RUNX1: variants seen among roughly 807,000 people sequenced by gnomAD.
RUNX1 encodes the protein RUNX family transcription factor 1.
In RUNX1, 19 loss-of-function variants were observed where a neutral mutation model predicts 42.8. The ratio of observed to expected loss-of-function variants is 0.44; its 90% CI spans 0.31 to 0.65. The LOEUF (loss-of-function observed/expected upper bound fraction) is 0.65. Ranked by LOEUF, RUNX1 falls within the 30% of genes least tolerant of loss-of-function variation. RUNX1 has a pLI of 0.07. For missense variants in RUNX1, 528 were observed against 672.0 expected (o/e 0.79, Z 2.37); for synonymous variants, 271 against 289.4 (o/e 0.94, Z 0.64).
intron 2 of RUNX1, among the ~76,000 whole-genome samples, chr21:35,033,122 C>CAT (rs2059284639): frequency 3.3e-5 from 5 of 151,480 alleles, no homozygotes; most frequent in Non-Finnish European, 5.9e-5. Flanking sequence ...CATCTGCTGG[C>CAT]TCATTCATTC....
intron 7 of RUNX1, among the ~76,000 whole-genome samples, chr21:34,823,887 A>T (rs908556891): frequency 1.3e-5 from 2 of 152,200 alleles, no homozygotes; most frequent in Non-Finnish European, 2.9e-5. Context: ...CATCTTTAAG[A>T]ACAAGAATCC....
At chr21:34,969,349 C>T (rs921440335) in intron 2 of RUNX1, among the ~76,000 whole-genome samples, 16 of 151,926 alleles carry the variant, frequency 1.1e-4, no homozygotes, top group Non-Finnish European at 2.2e-4. Context: ...CCCATCTCTT[C>T]TAATCCATTC....
rs147226772 is a variant in RUNX1, at chr21:34,837,036, T to C, written c.614-2435A>G. ...TATTTTAATTAGTCCCCCTCATTAC[T>C]ATATACTTAGAAATGAGAGCTTTAA... On this transcript the variant is annotated intron_variant, in intron 6 of 8. Coordinates refer to ENST00000675419, the MANE Select transcript of RUNX1 (RefSeq NM_001754.5). Among the ~76,000 whole-genome samples, 738 of 152,362 alleles carry C rather than the reference T, an allele frequency of 4.8e-3. 2 individuals carry two copies. The highest frequency in any genetic ancestry group is 0.016 in the African/African-American group (665 of 41,582).
chr21:34,987,806 A>T (rs1238276482), intron 2 of RUNX1, among the ~76,000 whole-genome samples: 2 of 152,168 alleles, frequency 1.3e-5, no homozygotes, highest in Non-Finnish European at 1.5e-5. Flanking sequence ...AAAATGAAAG[A>T]CAAGATTTCT....
At chr21:34,860,089 G>C (rs1196381674) in intron 5 of RUNX1, among the ~76,000 whole-genome samples, 2 of 152,194 alleles carry the variant, frequency 1.3e-5, no homozygotes, top group Non-Finnish European at 2.9e-5. Context: ...AAGTCTGGCT[G>C]ATTTTAAATA....
At chr21:35,002,721 C>A (rs564548610) in intron 2 of RUNX1, among the ~76,000 whole-genome samples, 1 of 152,246 alleles carries the variant, frequency 6.6e-6, no homozygotes, top group African/African-American at 2.4e-5. Context: ...AGCCACTGTG[C>A]CCGGCCTACT....
rs1025817667 is a variant in RUNX1, at chr21:34,927,629, C to T, written c.59-34666G>A. Among the ~76,000 whole-genome samples the T allele has an allele frequency of 2.6e-5, 4 of 152,154 alleles. No individual in the cohort carries two copies. In the East Asian group the frequency reaches 7.7e-4, roughly 29 times the overall value. On this transcript the variant is annotated intron_variant, in intron 2 of 8. Coordinates refer to ENST00000675419, the MANE Select transcript of RUNX1 (RefSeq NM_001754.5). Reference sequence around the variant, plus strand: ...TAAGGTTCCCTTGCCTCGAATTTGCCATTTACTTTGGACATGGATGGAAGC... The same window carrying T: ...TAAGGTTCCCTTGCCTCGAATTTGCTATTTACTTTGGACATGGATGGAAGC...
intron 2 of RUNX1, among the ~76,000 whole-genome samples, chr21:34,964,205 T>A (rs767395325): frequency 1.3e-5 from 2 of 152,148 alleles, no homozygotes; most frequent in Non-Finnish European, 2.9e-5. Flanking sequence ...GAAGTTCAGA[T>A]GGGACGGGCA....
At chr21:35,004,767 AG>A (rs748904716) in intron 2 of RUNX1, among the ~76,000 whole-genome samples, 10 of 152,162 alleles carry the variant, frequency 6.6e-5, no homozygotes, top group Non-Finnish European at 1.2e-4. Context: ...CTCACAAGAG[AG>A]GCAGCTTTAA....
At chr21:34,930,713 TCTCTCTCACACACACACACA>T (rs939598352) in intron 2 of RUNX1, among the ~76,000 whole-genome samples, 5 of 141,748 alleles carry the variant, frequency 3.5e-5, no homozygotes, top group Admixed American at 6.8e-5. Context: ...ACTCTCTCTC[TCTCTCTCACACACACACACA>T]CACACACACA....
chr21:35,002,382 TTTTATTTA>T (rs149613285), intron 2 of RUNX1, among the ~76,000 whole-genome samples: 35,997 of 140,792 alleles, frequency 0.26, 4,843 homozygotes, highest in Middle Eastern at 0.35. Context: ...ACACAGCACA[TTTTATTTA>T]TTTATTTATT....
chr21:34,946,329 ATGG>A (rs566068025), intron 2 of RUNX1, among the ~76,000 whole-genome samples: 341 of 152,296 alleles, frequency 2.2e-3, no homozygotes, highest in African/African-American at 7.9e-3. Flanking sequence ...GCATGTAGCC[ATGG>A]TCCCACAAAT....
chr21:34,968,000 C>T (rs1437688296), intron 2 of RUNX1, among the ~76,000 whole-genome samples: 1 of 152,138 alleles, frequency 6.6e-6, no homozygotes, highest in Non-Finnish European at 1.5e-5. Context: ...CTGAGAAAAA[C>T]ACTGATTGAC....
intron 2 of RUNX1, among the ~76,000 whole-genome samples, chr21:35,009,637 C>T (rs2059111189): frequency 6.6e-6 from 1 of 152,210 alleles, no homozygotes; most frequent in African/African-American, 2.4e-5. Context: ...ACAATGGGCA[C>T]TTCTCCCATT....
At chr21:35,039,519 T>C (rs2059342295) in intron 2 of RUNX1, among the ~76,000 whole-genome samples, 1 of 152,226 alleles carries the variant, frequency 6.6e-6, no homozygotes, top group Non-Finnish European at 1.5e-5. Context: ...CATAACTCTA[T>C]ATAACTCTAT....
In RUNX1 at chr21:34,995,085, G is replaced by A. The variant is rs2146849241; in HGVS notation, c.58+53757C>T. 1.3e-5 allele frequency among the ~76,000 whole-genome samples: 2 copies of A among 152,362 alleles called. 1 individual carries two copies. Among genetic ancestry groups the A allele is most frequent in the South Asian group, 4.1e-4 (2 of 4,830 alleles). On this transcript the variant is annotated intron_variant, in intron 2 of 8. Coordinates refer to ENST00000675419, the MANE Select transcript of RUNX1 (RefSeq NM_001754.5). ...GAAACTTGACTGGTAGCCGAAGTCA[G>A]CAATGGATGCCAAGCAGGCTGTGCC...
chr21:34,868,494 G>A (rs1015645214), intron 5 of RUNX1, among the ~76,000 whole-genome samples: 3 of 152,066 alleles, frequency 2.0e-5, no homozygotes, highest in African/African-American at 4.8e-5. Context: ...CCCAACCACC[G>A]CCACTGGAGC....
rs571387982 is a variant in RUNX1 at position 34,949,075 on chromosome 21, C to T, written c.59-56112G>A. 1.1e-4 allele frequency among the ~76,000 whole-genome samples: 17 copies of T among 152,258 alleles called. No homozygotes were observed. In the South Asian group the frequency reaches 3.1e-3, roughly 28 times the overall value. On this transcript the variant is annotated intron_variant, in intron 2 of 8. Coordinates refer to ENST00000675419, the MANE Select transcript of RUNX1 (RefSeq NM_001754.5). Reference sequence around the variant, plus strand: ...GGCCGGGATGTGCAGAATTTCTTGCCTGGAGATGTTCATTTATTTCCTTCC... The same window carrying T: ...GGCCGGGATGTGCAGAATTTCTTGCTTGGAGATGTTCATTTATTTCCTTCC...
chr21:34,963,806 T>G (rs897499443), intron 2 of RUNX1, among the ~76,000 whole-genome samples: 6 of 152,160 alleles, frequency 3.9e-5, no homozygotes, highest in African/African-American at 1.4e-4. Flanking sequence ...ACAGTTAATG[T>G]GAGAGCAGAT....
Sources: allele counts gnomAD v4.1 joint callset (sites outside exome capture counted in the v4.1 genomes callset), GRCh38; gene constraint gnomAD v4.1.1; transcripts MANE v1.5; gene names NCBI Gene and HGNC (gene_info 2026-07-23, HGNC 2026-07-21).